The following C6orf163 variants were observed in gnomAD, a reference collection of about 807,000 sequenced individuals.
C6orf163 encodes the protein uncharacterized protein C6orf163.
In C6orf163, 22 loss-of-function variants were observed where a neutral mutation model predicts 28.4. That is an observed-to-expected ratio of 0.78 (90% CI 0.55 to 1.11). The LOEUF (loss-of-function observed/expected upper bound fraction) is 1.11. C6orf163 is among the 50% of genes least tolerant of loss of function. C6orf163 has a pLI of 0.00. For synonymous variants in C6orf163, 110 were observed against 123.6 expected, an observed-to-expected ratio of 0.89 and a Z score of 0.73; for missense variants, 342 against 389.1, an observed-to-expected ratio of 0.88 and a Z score of 1.02.
intron 4 of C6orf163, 78 bp from the exon 5 acceptor site, chr6:87,364,883 A>G: frequency 8.9e-7 from 1 of 1,119,530 alleles, no homozygotes; most frequent in Non-Finnish European, 1.3e-6. Context: ...TTGCTCATTC[A>G]TCTGCGTTTA....
intron 4 of C6orf163, among the ~76,000 whole-genome samples, chr6:87,363,347 T>A (rs1040502672): frequency 6.6e-5 from 10 of 152,040 alleles, no homozygotes; most frequent in East Asian, 5.8e-4. Context: ...CCAAATTTTT[T>A]AAAAAATTAT....
Position 87,365,208 on chromosome 6 carries a change from C to T in C6orf163, c.802C>T (p.Leu268=), listed in dbSNP as rs1221784991. ...QGELLSIAKQ[L]GIMTNWKDFL... ...GGAGCTGCTGTCTATAGCAAAACAA[C>T]TGGGAATCATGACAAATTGGAAAGA... The change falls in exon 5 of 5, where the codon CTG becomes TTG. Residue 268 remains leucine, a synonymous_variant. Coordinates refer to ENST00000388923, the MANE Select transcript of C6orf163 (RefSeq NM_001010868.3). 5 of 1,551,648 alleles carry T rather than the reference C, an allele frequency of 3.2e-6. No homozygotes were observed. Among genetic ancestry groups the T allele is most frequent in the Admixed American group, 2.0e-5 (1 of 50,990 alleles).
chr6:87,351,278 C>T (rs1358415003), intron 3 of C6orf163, among the ~76,000 whole-genome samples: 2 of 152,194 alleles, frequency 1.3e-5, no homozygotes, highest in African/African-American at 2.4e-5. Context: ...AATACACGGG[C>T]AGAAGCTGGA....
chr6:87,352,944 A>G (rs949049441), intron 3 of C6orf163, among the ~76,000 whole-genome samples: 8 of 152,168 alleles, frequency 5.3e-5, no homozygotes, highest in Non-Finnish European at 8.8e-5. Context: ...TATTTCTTAC[A>G]ATATCTCAAA....
Position 87,344,991 on chromosome 6 carries a change from C to A in C6orf163, c.-109C>A. ...ACCAGCCTCTAGCATTATCCTAAAA[C>A]CCTGAACCTCTTCCAGCTTTCTTAA... On this transcript the variant is annotated 5_prime_UTR_variant, in exon 1 of 5. Transcript: ENST00000388923. 1 of 866,894 alleles carries A rather than the reference C, an allele frequency of 1.2e-6. No individual in the cohort carries two copies. The highest frequency in any genetic ancestry group is 1.7e-6 in the Non-Finnish European group (1 of 578,560). 53.7% of individuals were successfully genotyped at this position (866,894 alleles called of 1,614,324 possible).
chr6:87,362,624 T>C (rs1777597507), intron 4 of C6orf163, among the ~76,000 whole-genome samples: 1 of 152,142 alleles, frequency 6.6e-6, no homozygotes, highest in African/African-American at 2.4e-5. Flanking sequence ...ATAGCTTAGT[T>C]GGTGGGAAAA....
At chr6:87,363,403 T>A (rs1035508401) in intron 4 of C6orf163, among the ~76,000 whole-genome samples, 3 of 151,972 alleles carry the variant, frequency 2.0e-5, no homozygotes, top group Admixed American at 6.6e-5. Flanking sequence ...TGTGCAGGTT[T>A]GTTACATATG....
chr6:87,345,916 CAAAAAAA>C (rs3044136), intron 1 of C6orf163, among the ~76,000 whole-genome samples: 19 of 44,656 alleles, frequency 4.3e-4, no homozygotes, highest in South Asian at 2.8e-3. Context: ...GACTCTGCCT[CAAAAAAA>C]AAAAAAAAAA....
chr6:87,355,445 C>T lies in C6orf163; in HGVS notation c.352-856C>T, dbSNP rs907969322. On this transcript the variant is annotated intron_variant, in intron 3 of 4. Coordinates refer to ENST00000388923, the MANE Select transcript of C6orf163 (RefSeq NM_001010868.3). ...GCATGGTGGCAAGTGTCTGTCGTCT[C>T]AGCTACATGGGAGGCTGAGGTGGGA... is the stretch of plus-strand genomic sequence containing the variant. Among the ~76,000 whole-genome samples, 5 of 152,072 alleles carry T rather than the reference C, an allele frequency of 3.3e-5. No individual in the cohort carries two copies. The East Asian group carries it at 9.6e-4, about 29-fold the overall frequency.
At chr6:87,348,756 G>C in intron 1 of C6orf163, 56 bp from the exon 2 acceptor site, 1 of 1,526,832 alleles carries the variant, frequency 6.5e-7, no homozygotes, top group Non-Finnish European at 8.8e-7. Context: ...ATGGTGGAAA[G>C]GAAAGCCAGG....
intron 3 of C6orf163, among the ~76,000 whole-genome samples, chr6:87,352,158 A>T (rs76351420): frequency 6.6e-6 from 1 of 152,148 alleles, no homozygotes; most frequent in African/African-American, 2.4e-5. Context: ...CATTTCAGAT[A>T]TTTTTTACTT....
chr6:87,352,775 T>C (rs1777435974), intron 3 of C6orf163, among the ~76,000 whole-genome samples: 1 of 152,178 alleles, frequency 6.6e-6, no homozygotes, highest in Admixed American at 6.5e-5. Context: ...GAGAGAAATG[T>C]TGTGACTCAC....
chr6:87,363,653 A>G (rs1386887178), intron 4 of C6orf163, among the ~76,000 whole-genome samples: 1 of 151,880 alleles, frequency 6.6e-6, no homozygotes, highest in Non-Finnish European at 1.5e-5. Context: ...AATTTCATCC[A>G]TGTCCCTACA....
chr6:87,359,226 C>T (rs1456081661), intron 4 of C6orf163: 4 of 152,158 alleles, frequency 2.6e-5, no homozygotes, highest in African/African-American at 9.7e-5. Flanking sequence ...GGAAGTTAGT[C>T]GTGGGTTGGG....
intron 4 of C6orf163, 73 bp from the exon 5 acceptor site, chr6:87,364,888 C>A: frequency 8.8e-7 from 1 of 1,141,468 alleles, no homozygotes; most frequent in Non-Finnish European, 1.2e-6. Flanking sequence ...CATTCATCTG[C>A]GTTTAAAGAT....
intron 1 of C6orf163, among the ~76,000 whole-genome samples, chr6:87,347,122 ACT>A (rs762965863): frequency 6.6e-6 from 1 of 152,010 alleles, no homozygotes; most frequent in Non-Finnish European, 1.5e-5. Flanking sequence ...CTTAGCTGTC[ACT>A]CTCTTCTCCC....
At chr6:87,358,024 T>C (rs977005025) in intron 4 of C6orf163, 2 of 152,214 alleles carry the variant, frequency 1.3e-5, no homozygotes, top group African/African-American at 2.4e-5. Flanking sequence ...TTTAAATTTC[T>C]TCCAATTAGT....
intron 1 of C6orf163, among the ~76,000 whole-genome samples, chr6:87,346,557 G>A (rs1312979422): frequency 6.6e-6 from 1 of 152,136 alleles, no homozygotes; most frequent in Admixed American, 6.5e-5. Flanking sequence ...TCATTGAACT[G>A]TTTTAAGTTA....
chr6:87,348,635 C>G lies in C6orf163; in HGVS notation c.149-177C>G, dbSNP rs547434650. 2.5e-5 allele frequency: 34 copies of G among 1,375,978 alleles called. No homozygotes were observed. In the South Asian group the frequency reaches 5.2e-4, roughly 21 times the overall value. The allele number at this position is 1,375,978 out of a possible 1,614,324, so 85.2% of individuals were successfully genotyped here. A position where few individuals can be genotyped will look rare whatever the true frequency, so the allele number is the denominator to read the frequency against. ...TCCAGGCCTGACAGTGCTGTGAATT[C>G]CCTCCTAATCAGAGAAAATCTTACT... On this transcript the variant is annotated intron_variant, in intron 1 of 4. Coordinates refer to ENST00000388923, the MANE Select transcript of C6orf163 (RefSeq NM_001010868.3).
Sources: gnomAD v4.1 joint callset for allele counts (sites outside exome capture counted in the v4.1 genomes callset) on GRCh38, gnomAD v4.1.1 for gene constraint, MANE v1.5 for transcripts, NCBI Gene and HGNC (gene_info 2026-07-23, HGNC 2026-07-21) for gene names.